The following CELF2 variants were observed in gnomAD, a reference collection of about 807,000 sequenced individuals.
CELF2 encodes the protein CUGBP Elav-like family member 2.
Under a neutral mutation model 62.6 loss-of-function variants are expected in CELF2, and 8 were observed. The ratio of observed to expected loss-of-function variants is 0.13; its 90% CI spans 0.07 to 0.23. The LOEUF (loss-of-function observed/expected upper bound fraction) is 0.23, where lower values mean the gene tolerates loss of function less well. Among genes scored for constraint, CELF2 ranks in the 10% least tolerant of loss-of-function variants. CELF2 has a pLI of 1.00. For synonymous variants in CELF2, 258 were observed against 250.0 expected (o/e 1.03, Z -0.30); for missense variants, 333 against 671.0 (o/e 0.50, Z 5.56).
chr10:10,989,834 A>C (rs1345419618), intron 2 of CELF2, among the ~76,000 whole-genome samples: 1 of 152,156 alleles, frequency 6.6e-6, no homozygotes, highest in Non-Finnish European at 1.5e-5. Context: ...ACATAAACTG[A>C]CCATAAAAGT....
intron 1 of CELF2, among the ~76,000 whole-genome samples, chr10:10,882,946 T>G (rs2061525780): frequency 6.6e-6 from 1 of 152,204 alleles, no homozygotes. Flanking sequence ...TTCCCCTGGT[T>G]TATAAGCTCT....
intron 2 of CELF2, among the ~76,000 whole-genome samples, chr10:10,921,004 GAGTGC>G (rs2064847570): frequency 1.3e-5 from 2 of 152,210 alleles, no homozygotes; most frequent in Admixed American, 1.3e-4. Context: ...ACCCAGGCTG[GAGTGC>G]AGTGGTGCAG....
chr10:11,076,715 A>G (rs1432946788), intron 1 of CELF2, among the ~76,000 whole-genome samples: 2 of 152,176 alleles, frequency 1.3e-5, no homozygotes, highest in Non-Finnish European at 2.9e-5. Context: ...GGAAAAGTTT[A>G]TAGTCAAAGA....
chr10:11,093,378 G>A (rs2048866058), intron 1 of CELF2, among the ~76,000 whole-genome samples: 2 of 152,178 alleles, frequency 1.3e-5, no homozygotes, highest in Non-Finnish European at 2.9e-5. Flanking sequence ...TCTTCACAAA[G>A]GGTATTGTGA....
intron 1 of CELF2, among the ~76,000 whole-genome samples, chr10:11,065,640 C>G (rs1451844324): frequency 1.3e-5 from 2 of 152,074 alleles, no homozygotes; most frequent in African/African-American, 2.4e-5. Context: ...ATATGAAGTT[C>G]AGATTTTATT....
intron 1 of CELF2, among the ~76,000 whole-genome samples, chr10:11,099,800 G>T (rs907849711): frequency 6.7e-6 from 1 of 149,612 alleles, no homozygotes; most frequent in Non-Finnish European, 1.5e-5. Flanking sequence ...ATTTTTATTG[G>T]TAAAACTCTG....
chr10:10,861,547 A>G (rs1027753046), intron 1 of CELF2, among the ~76,000 whole-genome samples: 3 of 152,116 alleles, frequency 2.0e-5, no homozygotes, highest in African/African-American at 7.2e-5. Context: ...TCCCTAGACA[A>G]TTTCTCAGCT....
the CELF2 span, among the ~76,000 whole-genome samples, chr10:10,570,347 G>C: frequency 6.7e-6 from 1 of 150,274 alleles, no homozygotes; most frequent in African/African-American, 2.4e-5. Context: ...GAGAGACAGA[G>C]AAAACAGAAA....
the CELF2 span, among the ~76,000 whole-genome samples, chr10:10,738,156 T>A: frequency 3.3e-5 from 5 of 152,228 alleles, no homozygotes; most frequent in Non-Finnish European, 7.3e-5. Flanking sequence ...TTTTGCTTTT[T>A]ATCCTAAAGA....
chr10:11,267,674 AT>A lies in CELF2; in HGVS notation c.618+1004del, dbSNP rs1018967491. Among the ~76,000 whole-genome samples the A allele has an allele frequency of 6.6e-6, 1 of 151,616 alleles. No individual in the cohort carries two copies. The highest frequency in any genetic ancestry group is 1.5e-5 in the Non-Finnish European group (1 of 67,888). ...TTTCCCCCCATTTTGTTGGGGTTTT[AT>A]TTTTTTGTTTGTTTGTTTTTGTTTG... On this transcript the variant is annotated intron_variant, in intron 6 of 12. Transcript: ENST00000633077. This position sits in a 1 kb window ranked among gnomAD's most constrained non-coding sequence, Gnocchi z 4.4.
chr10:10,901,279 G>A (rs1459980490), intron 1 of CELF2, among the ~76,000 whole-genome samples: 2 of 152,204 alleles, frequency 1.3e-5, no homozygotes, highest in African/African-American at 4.8e-5. Flanking sequence ...GTGTTATCAA[G>A]TTGCAGTAAT....
chr10:10,788,579 C>T, the CELF2 span, among the ~76,000 whole-genome samples: 1 of 149,366 alleles, frequency 6.7e-6, no homozygotes, highest in African/African-American at 2.5e-5. Flanking sequence ...TCTCCTGCCT[C>T]TCCCTCCCAA....
At chr10:10,652,834 C>T in the CELF2 span, among the ~76,000 whole-genome samples, 7 of 151,822 alleles carry the variant, frequency 4.6e-5, no homozygotes, top group Admixed American at 3.3e-4. Flanking sequence ...AAATCACCAG[C>T]TAACATCATA....
intron 2 of CELF2, among the ~76,000 whole-genome samples, chr10:11,176,894 G>A (rs761821742): frequency 2.6e-5 from 4 of 152,180 alleles, no homozygotes; most frequent in Non-Finnish European, 4.4e-5. Context: ...GTGGGTTAGC[G>A]TTAGAGTGGT....
intron 1 of CELF2, among the ~76,000 whole-genome samples, chr10:10,820,724 A>T (rs1304697094): frequency 6.6e-6 from 1 of 152,344 alleles, no homozygotes; most frequent in Admixed American, 6.5e-5. Flanking sequence ...TCAGAACACC[A>T]TATGGGAGTC....
chr10:10,708,167 A>C, the CELF2 span, among the ~76,000 whole-genome samples: 1 of 152,204 alleles, frequency 6.6e-6, no homozygotes, highest in Non-Finnish European at 1.5e-5. Flanking sequence ...TACATTGTTA[A>C]ATTAGTGTTA....
chr10:11,295,561 G>A (rs762844761), intron 9 of CELF2, among the ~76,000 whole-genome samples: 23 of 152,046 alleles, frequency 1.5e-4, no homozygotes, highest in Non-Finnish European at 2.8e-4. Context: ...TGTGTGTTTG[G>A]TGCAGCAGAG....
intron 1 of CELF2, among the ~76,000 whole-genome samples, chr10:10,860,884 T>C (rs1034741833): frequency 4.6e-5 from 7 of 152,224 alleles, no homozygotes; most frequent in Non-Finnish European, 1.0e-4. Context: ...GCTGCTATGA[T>C]TGGCTGAGAC....
intron 1 of CELF2, among the ~76,000 whole-genome samples, chr10:11,062,768 A>G (rs2067116993): frequency 1.3e-5 from 2 of 152,232 alleles, no homozygotes; most frequent in African/African-American, 4.8e-5. Flanking sequence ...CTTTGTTAAT[A>G]AAGTAGTGGC....
Sources: gnomAD v4.1 joint callset for allele counts (sites outside exome capture counted in the v4.1 genomes callset) on GRCh38, gnomAD v4.1.1 for gene constraint, Gnocchi (gnomAD v3.1) non-coding constraint, MANE v1.5 for transcripts, NCBI Gene and HGNC (gene_info 2026-07-23, HGNC 2026-07-21) for gene names.